The following ABCB10 variants were observed in gnomAD, a reference collection of about 807,000 sequenced individuals.
ABCB10 encodes ATP-binding cassette sub-family B member 10, mitochondrial.
Under a neutral mutation model 65.4 loss-of-function variants are expected in ABCB10, and 54 were observed. The observed-to-expected ratio is 0.83, with a 90% CI of 0.66 to 1.04. The LOEUF (loss-of-function observed/expected upper bound fraction) is 1.04. Ranked by LOEUF, ABCB10 falls within the 50% of genes least tolerant of loss-of-function variation. ABCB10 has a pLI of 0.00. For synonymous variants in ABCB10, 418 were observed against 406.5 expected, an observed-to-expected ratio of 1.03 and a Z score of -0.34; for missense variants, 846 against 976.6, an observed-to-expected ratio of 0.87 and a Z score of 1.78.
intron 1 of ABCB10, among the ~76,000 whole-genome samples, chr1:229,555,189 A>T (rs1451834575): frequency 6.6e-6 from 1 of 152,202 alleles, no homozygotes; most frequent in African/African-American, 2.4e-5. Context: ...ACAGTACTGT[A>T]GGGGCCCACA....
chr1:229,521,710 T>C, intron 10 of ABCB10, 75 bp from the exon 11 acceptor site: 2 of 1,525,272 alleles, frequency 1.3e-6, no homozygotes, highest in African/African-American at 1.4e-5. Context: ...ATAAACCATA[T>C]AGCAATTTGA....
rs1439966102 is a variant in ABCB10, at chr1:229,542,303, T to C, written c.990A>G (p.Val330=). ...SVVPPVSIIA[V]IYGRYLRKLT... ...GTTTCCGTAGATATCGCCCATAAATTACAGCAATGATTGACACTGGAGGCA... is the reference window on the plus strand; with the variant it reads ...GTTTCCGTAGATATCGCCCATAAATCACAGCAATGATTGACACTGGAGGCA... Residue 330 remains valine (V), a synonymous_variant, in exon 4 of 13, where the codon GTA becomes GTG. Coordinates refer to ENST00000344517, the MANE Select transcript of ABCB10 (RefSeq NM_012089.3). 6.2e-7 allele frequency: 1 copy of C among 1,614,040 alleles called. No homozygotes were observed. Among genetic ancestry groups the C allele is most frequent in the South Asian group, 1.1e-5 (1 of 91,068 alleles).
At position 229,558,297 on chromosome 1, in the gene ABCB10, G is replaced by A. The variant is rs1453209971; in HGVS notation, c.356C>T (p.Pro119Leu). ...GAPRLPRARF[P>L]GGPAAAAWAG... is the part of the protein sequence containing the mutation. ...CCAGGCAGCGGCTGCGGGACCGCCC[G>A]GGAACCGGGCGCGCGGGAGCCGAGG... The change falls in exon 1 of 13, where the codon CCG becomes CTG. Residue 119 changes from proline (P) to leucine (L), a missense_variant. This residue lies in a region of ABCB10 where 632 missense variants were observed against 803.2 expected (regional missense o/e 0.79). Transcript: ENST00000344517. 168 of 1,239,736 alleles carry A rather than the reference G, an allele frequency of 1.4e-4. 3 individuals are homozygous for A. In the East Asian group the frequency reaches 5.5e-3, roughly 41 times the overall value. 76.8% of individuals were successfully genotyped at this position (1,239,736 alleles called of 1,614,324 possible).
intron 1 of ABCB10, among the ~76,000 whole-genome samples, chr1:229,553,903 C>T (rs563232155): frequency 1.3e-5 from 2 of 152,172 alleles, no homozygotes; most frequent in East Asian, 3.9e-4. Flanking sequence ...GAGTAAACTA[C>T]ACACATATTC....
intron 1 of ABCB10, 69 bp downstream of exon 1, chr1:229,558,067 G>T: frequency 1.6e-6 from 2 of 1,263,846 alleles, no homozygotes; most frequent in South Asian, 2.3e-5. Flanking sequence ...TGTCCCTCTC[G>T]GCGCCCCGGG....
intron 1 of ABCB10, among the ~76,000 whole-genome samples, chr1:229,557,338 T>C (rs933587542): frequency 2.6e-5 from 4 of 152,152 alleles, no homozygotes; most frequent in African/African-American, 9.7e-5. Context: ...CCAGCAGAAG[T>C]GAGGACCATG....
intron 6 of ABCB10, among the ~76,000 whole-genome samples, chr1:229,532,086 G>A (rs1458131278): frequency 1.3e-5 from 2 of 151,580 alleles, no homozygotes; most frequent in East Asian, 3.9e-4. Flanking sequence ...CCGAGTAGCT[G>A]GGATTACAGG....
intron 1 of ABCB10, among the ~76,000 whole-genome samples, chr1:229,553,575 C>T (rs374841842): frequency 3.3e-5 from 5 of 151,792 alleles, no homozygotes; most frequent in East Asian, 2.0e-4. Flanking sequence ...AGAACTAGGA[C>T]GTGATGACTG....
intron 8 of ABCB10, among the ~76,000 whole-genome samples, chr1:229,528,541 T>C (rs1662495926): frequency 6.6e-6 from 1 of 152,084 alleles, no homozygotes; most frequent in Admixed American, 6.6e-5. Context: ...AGACAAACAA[T>C]GTAGTAAGCC....
intron 1 of ABCB10, among the ~76,000 whole-genome samples, chr1:229,557,008 A>T (rs1463785112): frequency 6.6e-6 from 1 of 152,208 alleles, no homozygotes. Flanking sequence ...CAAAATCTAC[A>T]CTCAACCAAC....
chr1:229,536,886 G>C (rs893699791), intron 6 of ABCB10, among the ~76,000 whole-genome samples: 1 of 151,760 alleles, frequency 6.6e-6, no homozygotes, highest in African/African-American at 2.4e-5. Context: ...GAGCCCAGGA[G>C]GTCAAGGCTG....
chr1:229,537,507 C>G (rs1366489435), intron 6 of ABCB10, among the ~76,000 whole-genome samples: 1 of 152,180 alleles, frequency 6.6e-6, no homozygotes, highest in African/African-American at 2.4e-5. Context: ...AAAAGCATGG[C>G]TGGGTGCAGT....
chr1:229,523,204 T>A (rs545040861), intron 10 of ABCB10, among the ~76,000 whole-genome samples: 1 of 151,904 alleles, frequency 6.6e-6, no homozygotes, highest in South Asian at 2.1e-4. Flanking sequence ...TGGAGTGGAG[T>A]CAGCAGGATC....
chr1:229,547,723 G>C (rs1217115347), intron 2 of ABCB10, 22 bp from the exon 3 acceptor site: 2 of 1,612,726 alleles, frequency 1.2e-6, no homozygotes, highest in African/African-American at 2.7e-5. Flanking sequence ...AACACGAACA[G>C]GCTCACCAAG....
chr1:229,529,323 A>AAAAAAAAAAAAC (rs1662522130), intron 8 of ABCB10, among the ~76,000 whole-genome samples: 1 of 144,604 alleles, frequency 6.9e-6, no homozygotes, highest in Non-Finnish European at 1.5e-5. Flanking sequence ...AAAAAAAAAA[A>AAAAAAAAAAAAC]AAAAAAGAAA....
intron 3 of ABCB10, among the ~76,000 whole-genome samples, chr1:229,546,500 C>T (rs938383179): frequency 9.9e-5 from 15 of 152,116 alleles, no homozygotes; most frequent in African/African-American, 3.6e-4. Context: ...TATAAAATAC[C>T]TCATTAATAA....
intron 11 of ABCB10, 74 bp downstream of exon 11, chr1:229,521,518 T>C: frequency 6.7e-7 from 1 of 1,488,956 alleles, no homozygotes; most frequent in Non-Finnish European, 9.1e-7. Context: ...AGACAAATAG[T>C]AAATTACAAA....
At chr1:229,522,439 C>A (rs368752520) in intron 10 of ABCB10, among the ~76,000 whole-genome samples, 2 of 152,290 alleles carry the variant, frequency 1.3e-5, no homozygotes, top group African/African-American at 4.8e-5. Context: ...CTCCTGGACT[C>A]AAGAGATCCT....
chr1:229,535,729 CTT>C (rs34439249), intron 6 of ABCB10, among the ~76,000 whole-genome samples: 15 of 142,718 alleles, frequency 1.1e-4, no homozygotes, highest in South Asian at 2.2e-4. Context: ...AATGTAGGCT[CTT>C]TTTTTTTTTT....
Sources: gnomAD v4.1 joint callset for allele counts (sites outside exome capture counted in the v4.1 genomes callset) on GRCh38, gnomAD v4.1.1 for gene constraint, gnomAD v4.1.1 regional missense constraint, MANE v1.5 for transcripts, NCBI Gene and HGNC (gene_info 2026-07-23, HGNC 2026-07-21) for gene names.